The following MASP1 variants were observed in gnomAD, a reference collection of about 807,000 sequenced individuals.
The protein encoded by MASP1 is mannan-binding lectin serine protease 1.
In MASP1, 59 loss-of-function variants were observed where a neutral mutation model predicts 77.1. That is an observed-to-expected ratio of 0.77 (90% confidence interval 0.62 to 0.95). The LOEUF (loss-of-function observed/expected upper bound fraction) is 0.95, where lower values mean the gene tolerates loss of function less well. Ranked by LOEUF, MASP1 falls within the 40% of genes least tolerant of loss-of-function variation. MASP1 has a pLI of 0.00. For missense variants in MASP1, 885 were observed against 912.9 expected, an observed-to-expected ratio of 0.97 and a Z score of 0.39; for synonymous variants, 362 against 354.5, an observed-to-expected ratio of 1.02 and a Z score of -0.24.
chr3:187,233,132 T>C (rs753167625), downstream of MASP1, among the ~76,000 whole-genome samples: 4 of 152,216 alleles, frequency 2.6e-5, no homozygotes, highest in Non-Finnish European at 5.9e-5. Flanking sequence ...GTTGCATAAC[T>C]GCTTTCCTAG....
intron 2 of MASP1, among the ~76,000 whole-genome samples, chr3:187,268,463 G>A (rs902483059): frequency 1.3e-5 from 2 of 151,156 alleles, no homozygotes; most frequent in African/African-American, 4.9e-5. Flanking sequence ...CTCCAGCCTG[G>A]GCAACAGAGG....
Position 187,262,496 on chromosome 3 carries a change from C to T in MASP1, c.415+47G>A, listed in dbSNP as rs190821574. Reference sequence around the variant, plus strand: ...GAGGTCACAAGGCAGTTTTCATCTTCGGAGAGAGAGAGAGAGACCTGAGGA... The same window carrying T: ...GAGGTCACAAGGCAGTTTTCATCTTTGGAGAGAGAGAGAGAGACCTGAGGA... On this transcript the variant is annotated intron_variant, in intron 3 of 10. Coordinates refer to ENST00000296280, the MANE Select transcript of MASP1 (RefSeq NM_139125.4). 843 of 1,582,986 alleles carry T rather than the reference C, an allele frequency of 5.3e-4. 3 individuals are homozygous for T. In the African/African-American group the frequency reaches 9.7e-3, roughly 18 times the overall value.
chr3:187,235,668 G>A lies in MASP1; in HGVS notation c.*16C>T, dbSNP rs762094769. On this transcript the variant is annotated 3_prime_UTR_variant, in exon 11 of 11. Coordinates refer to ENST00000296280, the MANE Select transcript of MASP1 (RefSeq NM_139125.4). ...GCTTCGCTCAGGGGAGGCAGGCCCC[G>A]AGGAAGTAAGTCAGCTCACCGTTCC... is the stretch of plus-strand genomic sequence containing the variant. The A allele has an allele frequency of 1.9e-5, 30 of 1,613,716 alleles. No homozygotes were observed. The highest frequency in any genetic ancestry group is 2.2e-5 in the South Asian group (2 of 91,074).
In MASP1 at chr3:187,235,539, G is replaced by T. The variant is rs185663737; in HGVS notation, c.*145C>A. On this transcript the variant is annotated 3_prime_UTR_variant, in exon 11 of 11. Transcript: ENST00000296280. The stretch of plus-strand genomic sequence containing the variant: ...CCTATACCACACTCTGCCTCTCAGG[G>T]TCCTGGGGGCTGTCTCGGTAGGAGA... The T allele has an allele frequency of 2.6e-6, 4 of 1,539,198 alleles. No individual in the cohort carries two copies. Among genetic ancestry groups the T allele is most frequent in the East Asian group, 2.4e-5 (1 of 41,116 alleles).
At chr3:187,255,601 A>G (rs1715004729) in intron 5 of MASP1, among the ~76,000 whole-genome samples, 1 of 152,214 alleles carries the variant, frequency 6.6e-6, no homozygotes. Context: ...CCGGTGGCCT[A>G]TGCTTCCTGC....
intron 4 of MASP1, among the ~76,000 whole-genome samples, chr3:187,257,571 G>C (rs1715200309): frequency 6.6e-6 from 1 of 152,072 alleles, no homozygotes; most frequent in African/African-American, 2.4e-5. Flanking sequence ...TTTTTGTAGA[G>C]ATGGGGTCTT....
chr3:187,286,500 G>GA (rs929451517), intron 1 of MASP1, among the ~76,000 whole-genome samples: 2 of 152,154 alleles, frequency 1.3e-5, no homozygotes, highest in Admixed American at 6.5e-5. Flanking sequence ...ATTTAACGTT[G>GA]AAAATGGTAT....
chr3:187,221,161 T>TC (rs772513655), intron 14 of MASP1: 4 of 1,571,080 alleles, frequency 2.5e-6, no homozygotes. Context: ...TTATTGGTCC[T>TC]CATCCCCGGC....
At chr3:187,273,418 A>C (rs780249677) in intron 2 of MASP1, among the ~76,000 whole-genome samples, 2 of 152,178 alleles carry the variant, frequency 1.3e-5, no homozygotes, top group Non-Finnish European at 2.9e-5. Flanking sequence ...AAAGTGAGGG[A>C]TCTCTAAAGG....
intron 10 of MASP1, among the ~76,000 whole-genome samples, chr3:187,238,341 C>A (rs1000559941): frequency 3.9e-5 from 6 of 152,208 alleles, no homozygotes; most frequent in Admixed American, 1.3e-4. Context: ...AAAGCCAGAA[C>A]TCGAACCTAT....
intron 8 of MASP1, among the ~76,000 whole-genome samples, chr3:187,247,933 T>C (rs698091): frequency 0.97 from 148,045 of 152,266 alleles, 72,080 homozygotes; most frequent in East Asian, 1. Context: ...AGGTGTGATA[T>C]CTATCTTTTT....
intron 2 of MASP1, among the ~76,000 whole-genome samples, chr3:187,278,875 C>T (rs1215752436): frequency 6.6e-6 from 1 of 152,138 alleles, no homozygotes; most frequent in East Asian, 1.9e-4. Context: ...TCAGCAGCTC[C>T]AGTTTATTTT....
Position 187,235,601 on chromosome 3 carries a change from T to A in MASP1, c.*83A>T. ...GGTCAGTGTGTTCCATTCCATATGGTCTGATAAGTAATGTGGAGTGTGCTG... is the reference window on the plus strand; with the variant it reads ...GGTCAGTGTGTTCCATTCCATATGGACTGATAAGTAATGTGGAGTGTGCTG... On this transcript the variant is annotated 3_prime_UTR_variant, in exon 11 of 11. Coordinates refer to ENST00000296280, the MANE Select transcript of MASP1 (RefSeq NM_139125.4). 1 of 1,599,556 alleles carries A rather than the reference T, an allele frequency of 6.3e-7. No individual in the cohort carries two copies. Among genetic ancestry groups the A allele is most frequent in the Non-Finnish European group, 8.5e-7 (1 of 1,178,578 alleles).
chr3:187,260,803 C>T lies in MASP1; in HGVS notation c.485G>A (p.Gly162Asp), dbSNP rs779340341. Residue 162 changes from glycine to aspartate, a missense_variant, in exon 4 of 11, where the codon GGC becomes GAC. Physicochemically the swap from Gly to Asp is moderately conservative, Grantham distance 94. Coordinates refer to ENST00000296280, the MANE Select transcript of MASP1 (RefSeq NM_139125.4). ...GAAGCGGCAGGAGCAGTAGTAGCCGCCAATGTAGTTGTGGCAGTAGTGGTC... is the reference window on the plus strand; with the variant it reads ...GAAGCGGCAGGAGCAGTAGTAGCCGTCAATGTAGTTGTGGCAGTAGTGGTC... ...SCDHYCHNYIGGYYCSCRFGY... is the reference protein window; with the variant it reads ...SCDHYCHNYIDGYYCSCRFGY... 2 of 1,614,170 alleles carry T rather than the reference C, an allele frequency of 1.2e-6. No individual in the cohort carries two copies. Among genetic ancestry groups the T allele is most frequent in the South Asian group, 1.1e-5 (1 of 91,076 alleles).
At chr3:187,280,727 A>T (rs1023292231) in intron 2 of MASP1, among the ~76,000 whole-genome samples, 7 of 152,212 alleles carry the variant, frequency 4.6e-5, no homozygotes, top group African/African-American at 1.7e-4. Flanking sequence ...ACAAGATGGG[A>T]CTTTGCTGTT....
rs546570980 is a variant in MASP1 at position 187,282,151 on chromosome 3, A to C, written c.237+3674T>G. On this transcript the variant is annotated intron_variant, in intron 2 of 10. Coordinates refer to ENST00000296280, the MANE Select transcript of MASP1 (RefSeq NM_139125.4). ...AGGATGAGCAAGCAAAACCACCTTC[A>C]GCTAGAGCAGCTCACTTCTGTCTCT... Among the ~76,000 whole-genome samples, 3 of 152,310 alleles carry C rather than the reference A, an allele frequency of 2.0e-5. No individual in the cohort carries two copies. The South Asian group carries it at 6.2e-4, about 32-fold the overall frequency.
chr3:187,257,863 C>T (rs138496712), intron 4 of MASP1, among the ~76,000 whole-genome samples: 4 of 152,164 alleles, frequency 2.6e-5, no homozygotes, highest in Non-Finnish European at 5.9e-5. Flanking sequence ...AACCTTAAAA[C>T]GGAATTCCTG....
chr3:187,234,512 G>T lies in MASP1; in HGVS notation c.*1172C>A. On this transcript the variant is annotated 3_prime_UTR_variant, in exon 11 of 11. Coordinates refer to ENST00000296280, the MANE Select transcript of MASP1 (RefSeq NM_139125.4). ...TCAAAGGTTATACAGCCAGTTGGGG[G>T]CAGAGCAGGGACTAGAACCCAGGAC... 7.8e-7 allele frequency: 1 copy of T among 1,286,104 alleles called. No individual in the cohort carries two copies. Among genetic ancestry groups the T allele is most frequent in the Non-Finnish European group, 1.0e-6 (1 of 987,660 alleles). 79.7% of individuals were successfully genotyped at this position (1,286,104 alleles called of 1,614,324 possible).
chr3:187,256,707 A>C lies in MASP1; in HGVS notation c.701T>G (p.Ile234Ser). 6.2e-7 allele frequency: 1 copy of C among 1,613,982 alleles called. No homozygotes were observed. The highest frequency in any genetic ancestry group is 8.5e-7 in the Non-Finnish European group (1 of 1,180,016). Residue 234 changes from isoleucine to serine, a missense_variant, in exon 5 of 11, where the codon ATT (isoleucine) becomes AGT (serine). Ile to Ser is a moderately radical substitution (Grantham distance 142). Transcript: ENST00000296280. The stretch of plus-strand genomic sequence containing the variant: ...GCAGGGCACCTCAGGATGGTCCTCA[A>C]TGTCAAATATGTCCTCAAACTGCAG... The part of the protein sequence containing the change: ...VNLQFEDIFD[I>S]EDHPEVPCPY...
Sources: gnomAD v4.1 joint callset for allele counts (sites outside exome capture counted in the v4.1 genomes callset) on GRCh38, gnomAD v4.1.1 for gene constraint, MANE v1.5 for transcripts, NCBI Gene and HGNC (gene_info 2026-07-23, HGNC 2026-07-21) for gene names.